Variants in DAPL1 observed in about 807,000 individuals in gnomAD.
DAPL1 encodes death associated protein like 1, also known as death-associated protein-like 1.
DAPL1 carries 17 observed loss-of-function variants against 12.9 expected under a neutral mutation model. The ratio of observed to expected loss-of-function variants is 1.32; its 90% CI spans 0.90 to 1.98. The LOEUF (loss-of-function observed/expected upper bound fraction) is 1.98. DAPL1 is among the 30% of genes most tolerant of loss of function. The probability of loss-of-function intolerance (pLI) is 0.00; values close to 1 mark genes in which losing one functional copy is unlikely to be tolerated. For missense variants in DAPL1, 157 were observed against 125.7 expected (o/e 1.25, Z -1.19); for synonymous variants, 51 against 42.0 (o/e 1.21, Z -0.82).
At chr2:158,807,395 C>A (rs2059208724) in intron 3 of DAPL1, among the ~76,000 whole-genome samples, 1 of 152,160 alleles carries the variant, frequency 6.6e-6, no homozygotes, top group African/African-American at 2.4e-5. Flanking sequence ...TTTGCCATCC[C>A]AAATATTTCT....
Position 158,815,761 on chromosome 2 carries a change from T to G in DAPL1, c.264T>G (p.Ala88=), listed in dbSNP as rs751641625. 4.8e-5 allele frequency: 78 copies of G among 1,614,142 alleles called. 1 individual carries two copies. In the Middle Eastern group the frequency reaches 1.2e-3, roughly 24 times the overall value. The change falls in exon 4 of 4, where the codon GCT becomes GCG. Residue 88 remains alanine, a synonymous_variant. Transcript: ENST00000309950. ...TGGCGCATCAAAAACCCACACCTGC[T>G]CTGGAAAAGGTTGTTCCACTGAAAA... ...VHMAHQKPTP[A]LEKVVPLKRI... is the part of the protein sequence containing the mutation.
At chr2:158,813,644 C>T (rs2059243852) in intron 3 of DAPL1, among the ~76,000 whole-genome samples, 2 of 151,252 alleles carry the variant, frequency 1.3e-5, no homozygotes, top group South Asian at 4.2e-4. Flanking sequence ...CAACCTCCGC[C>T]TCCTGGGTTC....
rs572015508 is a variant in DAPL1, at chr2:158,812,863, A to T, written c.208-2842A>T. On this transcript the variant is annotated intron_variant, in intron 3 of 3. Coordinates refer to ENST00000309950, the MANE Select transcript of DAPL1 (RefSeq NM_001017920.3). The stretch of plus-strand genomic sequence containing the variant: ...TGATCCAGCAATTCCACTTCTTCCA[A>T]TATAATCTTCCCATATATTGGAAGA... Among the ~76,000 whole-genome samples, 14 of 152,190 alleles carry T rather than the reference A, an allele frequency of 9.2e-5. No homozygotes were observed. The East Asian group carries it at 2.7e-3, about 29-fold the overall frequency.
chr2:158,815,334 C>T (rs1054509243), intron 3 of DAPL1, among the ~76,000 whole-genome samples: 9 of 152,136 alleles, frequency 5.9e-5, no homozygotes, highest in African/African-American at 1.2e-4. Context: ...AGGAGTTTTT[C>T]GTCCCCACTC....
At position 158,802,786 on chromosome 2, in the gene DAPL1, A is replaced by T. The variant is rs145119853; in HGVS notation, c.59-1496A>T. On this transcript the variant is annotated intron_variant, in intron 1 of 3. Coordinates refer to ENST00000309950, the MANE Select transcript of DAPL1 (RefSeq NM_001017920.3). Reference sequence around the variant, plus strand: ...CACTGAGCTCTGTGCCTCGCCTTGAATTTCTTCCTGTGCAAGATCCAAGAA... The same window carrying T: ...CACTGAGCTCTGTGCCTCGCCTTGATTTTCTTCCTGTGCAAGATCCAAGAA... 1.9e-3 allele frequency among the ~76,000 whole-genome samples: 286 copies of T among 152,280 alleles called. 2 individuals are homozygous for T. The highest frequency in any genetic ancestry group is 6.6e-3 in the African/African-American group (273 of 41,564).
At chr2:158,797,611 G>A (rs1488672927) in intron 1 of DAPL1, among the ~76,000 whole-genome samples, 1 of 152,142 alleles carries the variant, frequency 6.6e-6, no homozygotes, top group East Asian at 1.9e-4. Flanking sequence ...GGCCAACATG[G>A]TGAAACTCCA....
In DAPL1 at chr2:158,806,784, C is replaced by T. The variant is rs1019757648; in HGVS notation, c.147-271C>T. 6.6e-5 allele frequency among the ~76,000 whole-genome samples: 10 copies of T among 151,092 alleles called. 1 individual carries two copies. The highest frequency in any genetic ancestry group is 5.8e-4 in the East Asian group (3 of 5,144). On this transcript the variant is annotated intron_variant, in intron 2 of 3. Transcript: ENST00000309950. The stretch of plus-strand genomic sequence containing the variant: ...CCAGGAGGCAGAGGTTGCAGTGAGC[C>T]GAGATCATACCATTGCACTCCAGCT...
rs146323473 is a variant in DAPL1 at position 158,813,846 on chromosome 2, A to C, written c.208-1859A>C. The stretch of plus-strand genomic sequence containing the variant: ...CTGGGATTGCAGGTGTGGGCCACCG[A>C]GCCCGGCCTCCTTTCCTTTTTCTTT... On this transcript the variant is annotated intron_variant, in intron 3 of 3. Transcript: ENST00000309950. Among the ~76,000 whole-genome samples the C allele has an allele frequency of 7.3e-3, 1,117 of 152,134 alleles. 8 individuals carry two copies. Among genetic ancestry groups the C allele is most frequent in the African/African-American group, 0.019 (785 of 41,500 alleles).
At position 158,807,169 on chromosome 2, in the gene DAPL1, A is replaced by G. The variant is rs538042869; in HGVS notation, c.207+54A>G. ...CCAAGTCAATCTGCCCAGTGGATCC[A>G]GCTGCATGGGTGAATGAGCGGATGA... is the stretch of plus-strand genomic sequence containing the variant. On this transcript the variant is annotated intron_variant, in intron 3 of 3. Coordinates refer to ENST00000309950, the MANE Select transcript of DAPL1 (RefSeq NM_001017920.3). 2.6e-5 allele frequency: 37 copies of G among 1,438,094 alleles called. 1 individual carries two copies. In the Admixed American group the frequency reaches 5.6e-4, roughly 22 times the overall value. The allele number at this position is 1,438,094 out of a possible 1,614,324, so 89.1% of individuals were successfully genotyped here.
At chr2:158,813,835 G>T (rs904260152) in intron 3 of DAPL1, among the ~76,000 whole-genome samples, 1 of 152,048 alleles carries the variant, frequency 6.6e-6, no homozygotes, top group Non-Finnish European at 1.5e-5. Flanking sequence ...GATTGCAGGT[G>T]TGGGCCACCG....
At chr2:158,796,864 C>A (rs1337850954) in intron 1 of DAPL1, among the ~76,000 whole-genome samples, 1 of 152,098 alleles carries the variant, frequency 6.6e-6, no homozygotes, top group African/African-American at 2.4e-5. Context: ...TCTGGCATGA[C>A]AATTAATTAT....
chr2:158,815,212 T>C (rs1333944238), intron 3 of DAPL1, among the ~76,000 whole-genome samples: 1 of 152,208 alleles, frequency 6.6e-6, no homozygotes, highest in Non-Finnish European at 1.5e-5. Flanking sequence ...GAATGGCCAA[T>C]ATCACATCAT....
At chr2:158,801,520 G>A (rs970005854) in intron 1 of DAPL1, among the ~76,000 whole-genome samples, 4 of 151,958 alleles carry the variant, frequency 2.6e-5, no homozygotes, top group Admixed American at 1.3e-4. Flanking sequence ...TTTCATTTTT[G>A]TTGCAGATTA....
chr2:158,807,390 C>T (rs1206505800), intron 3 of DAPL1, among the ~76,000 whole-genome samples: 5 of 152,136 alleles, frequency 3.3e-5, no homozygotes, highest in Non-Finnish European at 5.9e-5. Context: ...GGTACTTTGC[C>T]ATCCCAAATA....
At chr2:158,814,759 G>A (rs1378638997) in intron 3 of DAPL1, among the ~76,000 whole-genome samples, 2 of 152,186 alleles carry the variant, frequency 1.3e-5, no homozygotes, top group African/African-American at 4.8e-5. Flanking sequence ...TATTTAATTT[G>A]AGTGCCAAGG....
At chr2:158,815,638 A>G (rs1480931731) in intron 3 of DAPL1, 67 bp from the exon 4 acceptor site, 1 of 942,364 alleles carries the variant, frequency 1.1e-6, no homozygotes, top group Non-Finnish European at 1.7e-6. Context: ...ATCACTTTCT[A>G]CTAGTTTAAT....
At chr2:158,812,506 A>G (rs1270433079) in intron 3 of DAPL1, among the ~76,000 whole-genome samples, 1 of 152,224 alleles carries the variant, frequency 6.6e-6, no homozygotes, top group Non-Finnish European at 1.5e-5. Context: ...TAGAATTGCC[A>G]TATCAGGCTG....
At chr2:158,796,054 CTTT>C (rs935231691) in intron 1 of DAPL1, among the ~76,000 whole-genome samples, 1 of 151,172 alleles carries the variant, frequency 6.6e-6, no homozygotes, top group African/African-American at 2.4e-5. Flanking sequence ...CCATAGTTGT[CTTT>C]TTTTTTAATT....
chr2:158,814,711 T>G (rs1167693163), intron 3 of DAPL1, among the ~76,000 whole-genome samples: 1 of 152,198 alleles, frequency 6.6e-6, no homozygotes, highest in Admixed American at 6.5e-5. Flanking sequence ...CCATGAACAG[T>G]ATGATGGCTA....
Sources: gnomAD v4.1 joint callset for allele counts (sites outside exome capture counted in the v4.1 genomes callset) on GRCh38, gnomAD v4.1.1 for gene constraint, MANE v1.5 for transcripts, NCBI Gene and HGNC (gene_info 2026-07-23, HGNC 2026-07-21) for gene names.